Variants in OPCML observed in about 807,000 individuals in gnomAD.
The protein encoded by OPCML is opioid-binding protein/cell adhesion molecule.
Under a neutral mutation model 37.8 loss-of-function variants are expected in OPCML, and 13 were observed. The ratio of observed to expected loss-of-function variants is 0.34; its 90% CI spans 0.22 to 0.55. The LOEUF (loss-of-function observed/expected upper bound fraction) is 0.55. OPCML is among the 20% of genes least tolerant of loss of function. The pLI is 0.91. For missense variants in OPCML, 341 were observed against 435.6 expected (o/e 0.78, Z 1.93); for synonymous variants, 176 against 168.8 (o/e 1.04, Z -0.33).
intron 3 of OPCML, among the ~76,000 whole-genome samples, chr11:132,625,140 A>T (rs950771939): frequency 1.3e-5 from 2 of 152,058 alleles, no homozygotes; most frequent in Admixed American, 1.3e-4. Context: ...AGGTCCTGTC[A>T]CTTCTTACCT....
chr11:132,903,781 C>T (rs1944142842), intron 2 of OPCML, among the ~76,000 whole-genome samples: 1 of 152,226 alleles, frequency 6.6e-6, no homozygotes, highest in Non-Finnish European at 1.5e-5. Flanking sequence ...GAATGCTCCT[C>T]ACTAACCTTT....
intron 4 of OPCML, among the ~76,000 whole-genome samples, chr11:132,446,851 G>C (rs890179180): frequency 6.6e-6 from 1 of 152,110 alleles, no homozygotes; most frequent in Non-Finnish European, 1.5e-5. Flanking sequence ...TCTAAAGAAA[G>C]TTGCCTTAAC....
At chr11:133,233,758 A>G (rs994570910) in intron 1 of OPCML, among the ~76,000 whole-genome samples, 3 of 152,186 alleles carry the variant, frequency 2.0e-5, no homozygotes, top group African/African-American at 7.2e-5. Context: ...CTAACCTCCA[A>G]TAAAATTTGC....
At chr11:132,673,615 G>A (rs1223479790) in intron 2 of OPCML, among the ~76,000 whole-genome samples, 1 of 152,048 alleles carries the variant, frequency 6.6e-6, no homozygotes, top group African/African-American at 2.4e-5. Flanking sequence ...TTTGAAAGGG[G>A]TCATTGGCTC....
At chr11:133,045,135 A>G (rs924379768) in intron 1 of OPCML, among the ~76,000 whole-genome samples, 1 of 152,130 alleles carries the variant, frequency 6.6e-6, no homozygotes, top group African/African-American at 2.4e-5. Flanking sequence ...CCCCTCACAC[A>G]TACCCCCGGC....
At chr11:133,336,439 T>G (rs1395286480) in intron 1 of OPCML, among the ~76,000 whole-genome samples, 1 of 152,120 alleles carries the variant, frequency 6.6e-6, no homozygotes, top group Non-Finnish European at 1.5e-5. Context: ...CAAATCTAGG[T>G]TAAAGTTTGT....
At chr11:133,286,470 C>CAAAAAAAAAA (rs60645863) in intron 1 of OPCML, among the ~76,000 whole-genome samples, 2 of 51,308 alleles carry the variant, frequency 3.9e-5, no homozygotes, top group Non-Finnish European at 7.6e-5. Flanking sequence ...CTGTGTCTCA[C>CAAAAAAAAAA]AAAAAAAAAA....
intron 1 of OPCML, among the ~76,000 whole-genome samples, chr11:132,990,787 T>A (rs1946760511): frequency 6.6e-6 from 1 of 152,176 alleles, no homozygotes; most frequent in Admixed American, 6.5e-5. Flanking sequence ...GCATTCCGAG[T>A]CTCTCTTGCC....
At chr11:132,502,062 T>G (rs1250331011) in intron 4 of OPCML, among the ~76,000 whole-genome samples, 3 of 152,190 alleles carry the variant, frequency 2.0e-5, no homozygotes, top group Non-Finnish European at 2.9e-5. Flanking sequence ...AAAGACATGC[T>G]TTCTGATGAC....
intron 2 of OPCML, among the ~76,000 whole-genome samples, chr11:132,684,157 C>A (rs1943069768): frequency 6.6e-6 from 1 of 152,098 alleles, no homozygotes; most frequent in African/African-American, 2.4e-5. Context: ...ACTTGACATA[C>A]CTCTCCTTAA....
chr11:133,381,849 G>A (rs4638317), intron 1 of OPCML, among the ~76,000 whole-genome samples: 55,828 of 152,062 alleles, frequency 0.37, 12,011 homozygotes, highest in East Asian at 0.64. Flanking sequence ...ATTTGTTAGC[G>A]TAAGTTCTAG....
intron 1 of OPCML, chr11:133,065,195 G>A (rs1366727278): frequency 6.6e-6 from 1 of 152,512 alleles, no homozygotes; most frequent in Admixed American, 6.5e-5. Flanking sequence ...TCTGTGCTGA[G>A]CCTGGGCTGG....
At chr11:133,024,720 C>A in intron 1 of OPCML, 1 of 909,308 alleles carries the variant, frequency 1.1e-6, no homozygotes, top group Non-Finnish European at 1.3e-6. Flanking sequence ...ACGTATGCAT[C>A]TTTGCCAGCC....
At position 133,196,754 on chromosome 11, in the gene OPCML, G is replaced by A. The variant is rs567761915; in HGVS notation, c.62-253744C>T. On this transcript the variant is annotated intron_variant, in intron 1 of 7. Coordinates refer to ENST00000524381, the MANE Select transcript of OPCML (RefSeq NM_001012393.5). ...AAAGAAAGACTAATCTGCGAGCCAA[G>A]ATGCATAGTCAATTGCCCAGTTGCA... 2.6e-4 allele frequency among the ~76,000 whole-genome samples: 39 copies of A among 152,304 alleles called. No homozygotes were observed. In the South Asian group the frequency reaches 7.7e-3, roughly 30 times the overall value.
intron 3 of OPCML, among the ~76,000 whole-genome samples, chr11:132,656,850 C>T (rs991965845): frequency 2.0e-5 from 3 of 152,148 alleles, no homozygotes; most frequent in Admixed American, 6.5e-5. Flanking sequence ...GCATGTTACA[C>T]AACGTATTGA....
intron 2 of OPCML, among the ~76,000 whole-genome samples, chr11:132,793,131 G>C (rs978663008): frequency 2.6e-5 from 4 of 152,140 alleles, no homozygotes; most frequent in Admixed American, 1.3e-4. Flanking sequence ...TGGGCCGCTT[G>C]CGTGTTGGCA....
intron 2 of OPCML, among the ~76,000 whole-genome samples, chr11:132,902,954 C>T (rs1189885126): frequency 1.3e-5 from 2 of 152,004 alleles, no homozygotes; most frequent in East Asian, 3.9e-4. Context: ...GTTCTGCCCT[C>T]ACCTTTGCAC....
At chr11:132,729,090 A>G (rs549041193) in intron 2 of OPCML, among the ~76,000 whole-genome samples, 22 of 152,254 alleles carry the variant, frequency 1.4e-4, no homozygotes, top group African/African-American at 5.3e-4. Context: ...AAGAAGTAGC[A>G]CTCTTCTCAA....
At chr11:133,397,541 G>T (rs891207835) in intron 1 of OPCML, among the ~76,000 whole-genome samples, 1 of 152,248 alleles carries the variant, frequency 6.6e-6, no homozygotes, top group African/African-American at 2.4e-5. Context: ...AAAGCAGAGA[G>T]AGGGAATGTC....
Sources: allele counts gnomAD v4.1 joint callset (sites outside exome capture counted in the v4.1 genomes callset), GRCh38; gene constraint gnomAD v4.1.1; transcripts MANE v1.5; gene names NCBI Gene and HGNC (gene_info 2026-07-23, HGNC 2026-07-21).